CHD8: variants seen among roughly 807,000 people sequenced by gnomAD.
CHD8 encodes the protein ATP-dependent chromatin remodeler CHD8.
CHD8 carries 31 observed loss-of-function variants against 279.2 expected under a neutral mutation model. That is an observed-to-expected ratio of 0.11 (90% CI 0.08 to 0.15). CHD8 has a LOEUF of 0.15. CHD8 is among the 10% of genes least tolerant of loss of function. The probability of loss-of-function intolerance (pLI) is 1.00; values close to 1 mark genes in which losing one functional copy is unlikely to be tolerated. For synonymous variants in CHD8, 1,081 were observed against 1,139.6 expected (o/e 0.95, Z 1.04); for missense variants, 2,146 against 3,230.5 (o/e 0.66, Z 8.14).
Position 21,403,615 on chromosome 14 carries a change from A to G in CHD8, c.3356T>C (p.Ile1119Thr). 5.0e-6 allele frequency: 8 copies of G among 1,608,904 alleles called. No individual in the cohort carries two copies. Among genetic ancestry groups the G allele is most frequent in the Non-Finnish European group, 6.8e-6 (8 of 1,177,332 alleles). Residue 1119 changes from isoleucine (I) to threonine (T), a missense_variant, in exon 17 of 38, where the codon ATA becomes ACA. Around this residue, in one of 26 missense-constraint regions of CHD8, gnomAD observed 30 missense variants for 28.4 expected, o/e 1.06. Transcript: ENST00000646647. This position sits in a 1 kb window ranked among gnomAD's most constrained non-coding sequence, Gnocchi z 4.3. ...GGCCTGCAGGTGAAAGTCATGAGGTATAATATGGCAAGCTTCACGGAATTC... is the reference window on the plus strand; with the variant it reads ...GGCCTGCAGGTGAAAGTCATGAGGTGTAATATGGCAAGCTTCACGGAATTC... ...LTEFREACHI[I>T]PHDFHLQAMV...
intron 20 of CHD8, 33 bp from the exon 21 acceptor site, chr14:21,401,546 C>T (rs763158878): frequency 2.6e-4 from 225 of 874,316 alleles, no homozygotes; most frequent in Non-Finnish European, 3.5e-4. Context: ...GTAAAGCTGA[C>T]TTTTTTTTTT....
At chr14:21,414,147 C>G (rs1888621340) in intron 9 of CHD8, 154 bp downstream of exon 9, 4 of 589,852 alleles carry the variant, frequency 6.8e-6, no homozygotes, top group Non-Finnish European at 1.2e-5. Context: ...AATGCAAGGG[C>G]AGTTAAGTAA....
At position 21,408,669 on chromosome 14, in the gene CHD8, T is replaced by A; in HGVS notation, c.2486+35A>T. 1 of 1,595,556 alleles carries A rather than the reference T, an allele frequency of 6.3e-7. No homozygotes were observed. Among genetic ancestry groups the A allele is most frequent in the South Asian group, 1.1e-5 (1 of 87,406 alleles). The stretch of plus-strand genomic sequence containing the variant: ...AAACAAATAAAAATAATCCCAGAAC[T>A]AAGCTTACATCTTATGGCCCATTCT... On this transcript the variant is annotated intron_variant, in intron 12 of 37. Coordinates refer to ENST00000646647, the MANE Select transcript of CHD8 (RefSeq NM_001170629.2). The surrounding 1 kb of genome is among the most constrained non-coding windows in gnomAD (Gnocchi z 4.3).
In CHD8 at chr14:21,434,466, C is replaced by G. The variant is rs1234282198; in HGVS notation, c.-215-2608G>C. Among the ~76,000 whole-genome samples the G allele has an allele frequency of 4.6e-5, 7 of 152,140 alleles. No homozygotes were observed. The East Asian group carries it at 1.3e-3, about 29-fold the overall frequency. ...TAATTCTAATGCTCTTCCTTTCCCC[C>G]ATAATGATCCAATCTTAGGCCCAGA... On this transcript the variant is annotated intron_variant, in intron 1 of 37. Transcript: ENST00000646647.
chr14:21,402,988 T>C lies in CHD8; in HGVS notation c.3714+29A>G. 6.4e-7 allele frequency: 1 copy of C among 1,561,838 alleles called. No homozygotes were observed. The highest frequency in any genetic ancestry group is 8.8e-7 in the Non-Finnish European group (1 of 1,139,008). On this transcript the variant is annotated intron_variant, in intron 18 of 37. Transcript: ENST00000646647. The surrounding 1 kb of genome is among the most constrained non-coding windows in gnomAD (Gnocchi z 4.5). The stretch of plus-strand genomic sequence containing the variant: ...TTGAAAAATCTCCCAAGTTAGGTAG[T>C]TAGTCCCTAAGACAATGAATTCCTT...
chr14:21,391,988 T>C (rs986616333), intron 34 of CHD8, 42 bp from the exon 35 acceptor site: 4 of 1,391,414 alleles, frequency 2.9e-6, no homozygotes, highest in East Asian at 4.6e-5. Context: ...ATATGGTACA[T>C]GTTTTTCAAA....
chr14:21,450,346 G>A lies in CHD8; in HGVS notation c.-216+5686C>T, dbSNP rs1012409463. Among the ~76,000 whole-genome samples, 43 of 152,128 alleles carry A rather than the reference G, an allele frequency of 2.8e-4. 1 individual carries two copies. The highest frequency in any genetic ancestry group is 2.9e-5 in the Non-Finnish European group (2 of 68,034). ...ATTCCCATATCACTAATATGACAAT[G>A]TACTTCTGAATAACCATATCCCAAA... On this transcript the variant is annotated intron_variant, in intron 1 of 37. Coordinates refer to ENST00000646647, the MANE Select transcript of CHD8 (RefSeq NM_001170629.2).
chr14:21,455,156 A>G (rs928461250), intron 1 of CHD8: 8 of 152,230 alleles, frequency 5.3e-5, no homozygotes, highest in Non-Finnish European at 1.0e-4. Flanking sequence ...TTAATAGAAA[A>G]AGACAGAGTT....
intron 11 of CHD8, among the ~76,000 whole-genome samples, chr14:21,409,219 A>G (rs765349289): frequency 5.3e-5 from 8 of 152,236 alleles, no homozygotes; most frequent in Non-Finnish European, 1.2e-4. Flanking sequence ...TGGACAGTGT[A>G]GCTCTAAACC....
In CHD8 at chr14:21,403,647, G is replaced by C; in HGVS notation, c.3324C>G (p.Ile1108Met). 2 of 1,591,196 alleles carry C rather than the reference G, an allele frequency of 1.3e-6. No individual in the cohort carries two copies. Among genetic ancestry groups the C allele is most frequent in the Non-Finnish European group, 8.6e-7 (1 of 1,167,946 alleles). The change falls in exon 17 of 38, where the codon ATC (isoleucine) becomes ATG (methionine). Residue 1108 changes from isoleucine (I) to methionine (M), a missense_variant. Ile to Met is a conservative substitution (Grantham distance 10, BLOSUM62 1). This residue lies in a region of CHD8 where 30 missense variants were observed against 28.4 expected (regional missense o/e 1.06). Transcript: ENST00000646647. This position sits in a 1 kb window ranked among gnomAD's most constrained non-coding sequence, Gnocchi z 4.3. Reference sequence around the variant, plus strand: ...GGCAAGCTTCACGGAATTCTGTTAGGATTTTTTCTTCAGCACCTGCCAAAA... The same window carrying C: ...GGCAAGCTTCACGGAATTCTGTTAGCATTTTTTCTTCAGCACCTGCCAAAA... ...PYLINGAEEK[I>M]LTEFREACHI...
chr14:21,394,515 TCAG>T lies in CHD8; in HGVS notation c.5391-33_5391-31del, dbSNP rs538923023. 945 of 1,424,174 alleles carry T rather than the reference TCAG, an allele frequency of 6.6e-4. 5 individuals carry two copies. In the African/African-American group the frequency reaches 0.013, roughly 19 times the overall value. The allele number at this position is 1,424,174 out of a possible 1,614,324, so 88.2% of individuals were successfully genotyped here. A position where few individuals can be genotyped will look rare whatever the true frequency, so the allele number is the denominator to read the frequency against. Reference sequence around the variant, plus strand: ...AAAAGGAAAAGTAGGGCAACAATAATCAGAAGAACACATCAGAAGAACACAAGA... The same window carrying T: ...AAAAGGAAAAGTAGGGCAACAATAATAAGAACACATCAGAAGAACACAAGA... On this transcript the variant is annotated intron_variant, in intron 30 of 37. Coordinates refer to ENST00000646647, the MANE Select transcript of CHD8 (RefSeq NM_001170629.2).
chr14:21,452,212 T>C (rs1032544028), intron 1 of CHD8, among the ~76,000 whole-genome samples: 1 of 152,144 alleles, frequency 6.6e-6, no homozygotes, highest in African/African-American at 2.4e-5. Context: ...AGCTAATTTT[T>C]GTATTTTTTT....
intron 20 of CHD8, 64 bp from the exon 21 acceptor site, chr14:21,401,577 T>C: frequency 9.6e-7 from 1 of 1,039,178 alleles, no homozygotes; most frequent in East Asian, 2.7e-5. Context: ...AAATCAGCAA[T>C]TATGTTTTAA....
chr14:21,426,312 A>C, intron 4 of CHD8, 70 bp from the exon 5 acceptor site: 1 of 760,484 alleles, frequency 1.3e-6, no homozygotes, highest in Non-Finnish European at 2.2e-6. Context: ...AACATAATTA[A>C]TCTAAACCAT....
At chr14:21,399,018 G>T in intron 26 of CHD8, 1 of 404,770 alleles carries the variant, frequency 2.5e-6, no homozygotes, top group South Asian at 2.2e-5. Context: ...CAAGATCCAC[G>T]ACAAGGAGGG....
At chr14:21,409,380 G>C (rs193196283) in intron 11 of CHD8, among the ~76,000 whole-genome samples, 7 of 152,174 alleles carry the variant, frequency 4.6e-5, no homozygotes, top group Admixed American at 3.9e-4. Flanking sequence ...GAGATTAAGG[G>C]GGAGCTTAAA....
In CHD8 at chr14:21,395,324, T is replaced by G; in HGVS notation, c.5156A>C (p.Glu1719Ala). Residue 1719 changes from glutamate (E) to alanine (A), a missense_variant, in exon 29 of 38, where the codon GAG becomes GCG. Physicochemically the swap from Glu to Ala is moderately radical, Grantham distance 107. Coordinates refer to ENST00000646647, the MANE Select transcript of CHD8 (RefSeq NM_001170629.2). ...TTCATCTCCATCAATCACTGAGATC[T>G]CCTCATCCATCATCATCAAGGGATC... ...EGDPLMMMDE[E>A]ISVIDGDEAQ... 2.5e-6 allele frequency: 4 copies of G among 1,608,590 alleles called. No individual in the cohort carries two copies. Among genetic ancestry groups the G allele is most frequent in the Non-Finnish European group, 3.4e-6 (4 of 1,176,706 alleles).
chr14:21,401,770 A>T, intron 20 of CHD8, 187 bp downstream of exon 20: 1 of 601,926 alleles, frequency 1.7e-6, no homozygotes, highest in Non-Finnish European at 2.8e-6. Flanking sequence ...TTTTTGGTAG[A>T]GATGAGGTTT....
intron 28 of CHD8, 47 bp from the exon 29 acceptor site, chr14:21,395,399 G>C (rs569180314): frequency 2.2e-6 from 3 of 1,362,932 alleles, no homozygotes; most frequent in East Asian, 2.4e-5. Context: ...GAGGGAAAGG[G>C]GGGGAAGTTG....
Sources: gnomAD v4.1 joint callset for allele counts (sites outside exome capture counted in the v4.1 genomes callset) on GRCh38, gnomAD v4.1.1 for gene constraint, gnomAD v4.1.1 regional missense constraint, Gnocchi (gnomAD v3.1) non-coding constraint, MANE v1.5 for transcripts, NCBI Gene and HGNC (gene_info 2026-07-23, HGNC 2026-07-21) for gene names.